TMEM232: variants seen among roughly 807,000 people sequenced by gnomAD.
TMEM232 encodes transmembrane protein 232.
TMEM232 carries 80 observed loss-of-function variants against 78.8 expected under a neutral mutation model. The observed-to-expected ratio is 1.01, with a 90% CI of 0.85 to 1.22. TMEM232 has a LOEUF of 1.22. Among genes scored for constraint, TMEM232 ranks in the 50% most tolerant of loss-of-function variants. TMEM232 has a pLI of 0.00. For synonymous variants in TMEM232, 297 were observed against 254.3 expected (o/e 1.17, Z -1.60); for missense variants, 881 against 742.2 (o/e 1.19, Z -2.17).
In TMEM232 at chr5:110,474,387, T is replaced by C. The variant is rs190339903; in HGVS notation, c.1704-49471A>G. Among the ~76,000 whole-genome samples, 628 of 152,126 alleles carry C rather than the reference T, an allele frequency of 4.1e-3. 8 individuals are homozygous for C. The highest frequency in any genetic ancestry group is 3.4e-3 in the Admixed American group (52 of 15,260). On this transcript the variant is annotated intron_variant, in intron 12 of 13. Coordinates refer to ENST00000455884, the MANE Select transcript of TMEM232 (RefSeq NM_001039763.4). ...CAGCTAATTGTTTAATGTATCCCTG[T>C]TCTGTTTTTAAACTCCAATTCTCAT...
intron 12 of TMEM232, among the ~76,000 whole-genome samples, chr5:110,429,261 A>C (rs775896361): frequency 3.3e-5 from 5 of 151,750 alleles, no homozygotes; most frequent in Non-Finnish European, 7.4e-5. Flanking sequence ...AGAGAGATCT[A>C]CCTGGATGGA....
chr5:110,457,146 CA>C (rs1224421006), intron 12 of TMEM232, among the ~76,000 whole-genome samples: 2 of 151,882 alleles, frequency 1.3e-5, no homozygotes, highest in Non-Finnish European at 2.9e-5. Flanking sequence ...ATTCACTATG[CA>C]AGAAAAAACA....
chr5:110,727,371 G>A (rs935170053), upstream of TMEM232, among the ~76,000 whole-genome samples: 1 of 152,166 alleles, frequency 6.6e-6, no homozygotes, highest in Non-Finnish European at 1.5e-5. Flanking sequence ...CAGCACTTTG[G>A]GAGGCCAAGG....
chr5:110,649,736 T>C (rs1788031084), intron 2 of TMEM232, among the ~76,000 whole-genome samples: 2 of 152,154 alleles, frequency 1.3e-5, no homozygotes, highest in Admixed American at 1.3e-4. Flanking sequence ...TACATTCATT[T>C]TTATAATGCC....
At chr5:110,443,529 T>C (rs1759294326) in intron 12 of TMEM232, among the ~76,000 whole-genome samples, 1 of 152,136 alleles carries the variant, frequency 6.6e-6, no homozygotes, top group Non-Finnish European at 1.5e-5. Flanking sequence ...TGCTGTCCAA[T>C]AGCCTAGGTC....
intron 3 of TMEM232, among the ~76,000 whole-genome samples, chr5:110,391,326 T>TGA (rs71626630): frequency 0.015 from 2,116 of 139,842 alleles, 76 homozygotes; most frequent in African/African-American, 0.058. Flanking sequence ...TGTGTGTGTG[T>TGA]GAGAGAGAGA....
At position 110,509,964 on chromosome 5, in the gene TMEM232, CTT is replaced by C. The variant is rs904904469; in HGVS notation, c.1703+18622_1703+18623del. The stretch of plus-strand genomic sequence containing the variant: ...TTTTTCTTAAGTTTTTATAAATCCT[CTT>C]TTATTTTCTTCTAACTCTCTGGCTG... On this transcript the variant is annotated intron_variant, in intron 12 of 13. Transcript: ENST00000455884. 1.8e-4 allele frequency among the ~76,000 whole-genome samples: 28 copies of C among 152,238 alleles called. 1 individual carries two copies. Among genetic ancestry groups the C allele is most frequent in the Admixed American group, 7.2e-4 (11 of 15,276 alleles).
chr5:110,528,835 C>A lies in TMEM232; in HGVS notation c.1456G>T (p.Ala486Ser), dbSNP rs6894728. The A allele has an allele frequency of 3.5e-6, 5 of 1,421,636 alleles. No homozygotes were observed. Among genetic ancestry groups the A allele is most frequent in the African/African-American group, 1.4e-5 (1 of 69,602 alleles). The allele number at this position is 1,421,636 out of a possible 1,614,324, so 88.1% of individuals were successfully genotyped here. A position where few individuals can be genotyped will look rare whatever the true frequency, so the allele number is the denominator to read the frequency against. Residue 486 changes from alanine to serine, a missense_variant and splice_region_variant, in exon 12 of 14, where the codon GCT (alanine) becomes TCT (serine). By Grantham distance (99) the Ala-to-Ser change is moderately conservative. Coordinates refer to ENST00000455884, the MANE Select transcript of TMEM232 (RefSeq NM_001039763.4). ...GGATCAGTTGGGTCATTTAACTCAG[C>A]CTGTTGAAAGAAAAGAGAAAGGAAT... ...RIQNAINIAQ[A>S]ELNDPTDPFT...
At chr5:110,683,726 G>C (rs1793047246) in intron 1 of TMEM232, among the ~76,000 whole-genome samples, 1 of 151,678 alleles carries the variant, frequency 6.6e-6, no homozygotes, top group Non-Finnish European at 1.5e-5. Context: ...CAAGGTTATA[G>C]AATCTGTGGC....
Position 110,659,175 on chromosome 5 carries a change from T to C in TMEM232, c.125+8053A>G, listed in dbSNP as rs114499664. 1.9e-3 allele frequency among the ~76,000 whole-genome samples: 285 copies of C among 152,278 alleles called. 2 individuals are homozygous for C. Among genetic ancestry groups the C allele is most frequent in the African/African-American group, 6.3e-3 (262 of 41,582 alleles). On this transcript the variant is annotated intron_variant, in intron 2 of 13. Coordinates refer to ENST00000455884, the MANE Select transcript of TMEM232 (RefSeq NM_001039763.4). ...TCTGAGTGACCAAAGTAGGTGTCAG[T>C]GGATAAATTAATAATCATAATAATT...
intron 2 of TMEM232, among the ~76,000 whole-genome samples, chr5:110,405,583 A>T (rs1755759056): frequency 6.6e-6 from 1 of 151,312 alleles, no homozygotes; most frequent in Admixed American, 6.6e-5. Flanking sequence ...GTTGTAAAAT[A>T]AAAAAAATTG....
At chr5:110,652,124 C>T (rs1788397169) in intron 2 of TMEM232, among the ~76,000 whole-genome samples, 2 of 152,186 alleles carry the variant, frequency 1.3e-5, no homozygotes, top group Admixed American at 1.3e-4. Context: ...AATGAACTGT[C>T]TGACTCAAAG....
intron 1 of TMEM232, among the ~76,000 whole-genome samples, chr5:110,702,240 A>G (rs1011537257): frequency 1.3e-5 from 2 of 152,032 alleles, no homozygotes; most frequent in African/African-American, 2.4e-5. Flanking sequence ...TTTTCTCATG[A>G]GAGCCACGGC....
At chr5:110,421,044 G>T (rs1309760039) in intron 13 of TMEM232, among the ~76,000 whole-genome samples, 1 of 151,210 alleles carries the variant, frequency 6.6e-6, no homozygotes, top group African/African-American at 2.4e-5. Flanking sequence ...ATGGTTTTAC[G>T]TTCTTCATCA....
At chr5:110,682,278 G>C (rs888502229) in intron 1 of TMEM232, among the ~76,000 whole-genome samples, 1 of 151,724 alleles carries the variant, frequency 6.6e-6, no homozygotes, top group African/African-American at 2.4e-5. Flanking sequence ...TTAAATTTGT[G>C]GATAGAAATG....
chr5:110,677,863 T>C (rs533638113), intron 1 of TMEM232, among the ~76,000 whole-genome samples: 8 of 152,336 alleles, frequency 5.3e-5, no homozygotes, highest in African/African-American at 1.4e-4. Context: ...TTTTCTACTA[T>C]GAATATTATT....
intron 5 of TMEM232, among the ~76,000 whole-genome samples, chr5:110,628,678 T>C (rs1460240022): frequency 6.6e-6 from 1 of 151,568 alleles, no homozygotes; most frequent in Non-Finnish European, 1.5e-5. Context: ...TGTGTGTGTG[T>C]GTGTGTGTGT....
downstream of TMEM232, chr5:110,417,622 T>C (rs1180560621): frequency 1.4e-4 from 15 of 108,952 alleles, no homozygotes; most frequent in East Asian, 2.8e-4. Context: ...CTTTTTCTTT[T>C]TTTTTTTTTT....
chr5:110,676,691 T>C (rs1428477564), intron 1 of TMEM232, among the ~76,000 whole-genome samples: 3 of 151,948 alleles, frequency 2.0e-5, no homozygotes, highest in Non-Finnish European at 2.9e-5. Flanking sequence ...CTGAAAGTGC[T>C]AGGATTATGG....
Sources: allele counts gnomAD v4.1 joint callset (sites outside exome capture counted in the v4.1 genomes callset), GRCh38; gene constraint gnomAD v4.1.1; transcripts MANE v1.5; gene names NCBI Gene and HGNC (gene_info 2026-07-23, HGNC 2026-07-21).